The following YES1 variants were observed in gnomAD, a reference collection of about 807,000 sequenced individuals.
YES1 encodes YES proto-oncogene 1, Src family tyrosine kinase.
YES1 carries 39 observed loss-of-function variants against 70.4 expected under a neutral mutation model. The ratio of observed to expected loss-of-function variants is 0.55; its 90% confidence interval spans 0.43 to 0.72. The LOEUF (loss-of-function observed/expected upper bound fraction) is 0.72, where lower values mean the gene tolerates loss of function less well. Ranked by LOEUF, YES1 falls within the 30% of genes least tolerant of loss-of-function variation. The pLI, the probability that YES1 is intolerant of heterozygous loss-of-function variation, is 0.00. For missense variants in YES1, 495 were observed against 644.8 expected, an observed-to-expected ratio of 0.77 and a Z score of 2.52; for synonymous variants, 198 against 218.6, an observed-to-expected ratio of 0.91 and a Z score of 0.83.
chr18:793,699 C>T (rs1005652960), intron 1 of YES1, among the ~76,000 whole-genome samples: 7 of 152,108 alleles, frequency 4.6e-5, no homozygotes, highest in Non-Finnish European at 8.8e-5. Context: ...ACACAGATTT[C>T]TATAGAGCAG....
chr18:809,769 A>C (rs987792304), intron 1 of YES1, among the ~76,000 whole-genome samples: 1 of 152,188 alleles, frequency 6.6e-6, no homozygotes, highest in Non-Finnish European at 1.5e-5. Flanking sequence ...TTCCTTAAAA[A>C]AACAACAACA....
intron 1 of YES1, among the ~76,000 whole-genome samples, chr18:775,986 G>C (rs997321937): frequency 3.3e-5 from 5 of 151,862 alleles, no homozygotes; most frequent in Admixed American, 6.6e-5. Context: ...CAGTTTTTTT[G>C]CTATTAGAAT....
chr18:744,068 AT>A (rs1173445415), intron 6 of YES1, among the ~76,000 whole-genome samples: 4 of 150,166 alleles, frequency 2.7e-5, no homozygotes, highest in Admixed American at 1.3e-4. Context: ...AACTTAAAAT[AT>A]ATATTTTTTT....
chr18:726,869 G>C (rs1426420511), intron 11 of YES1, among the ~76,000 whole-genome samples: 1 of 143,292 alleles, frequency 7.0e-6, no homozygotes, highest in Non-Finnish European at 1.5e-5. Flanking sequence ...TTTCATACCT[G>C]TTAGCATTTA....
intron 1 of YES1, among the ~76,000 whole-genome samples, chr18:770,196 G>C (rs1269168217): frequency 1.3e-5 from 2 of 151,634 alleles, no homozygotes; most frequent in African/African-American, 2.4e-5. Flanking sequence ...CTGACGTCGT[G>C]ATCTGCCTGC....
chr18:789,996 T>C (rs992979404), intron 1 of YES1, among the ~76,000 whole-genome samples: 4 of 151,976 alleles, frequency 2.6e-5, no homozygotes, highest in African/African-American at 9.7e-5. Flanking sequence ...AGGTTGAGGA[T>C]GCAGTGAGCT....
At chr18:762,928 A>C (rs1904669686) in intron 1 of YES1, among the ~76,000 whole-genome samples, 1 of 152,228 alleles carries the variant, frequency 6.6e-6, no homozygotes, top group Non-Finnish European at 1.5e-5. Flanking sequence ...GGTATGTACA[A>C]AATACCATGG....
At chr18:756,243 G>C (rs1480524834) in intron 2 of YES1, among the ~76,000 whole-genome samples, 1 of 151,198 alleles carries the variant, frequency 6.6e-6, no homozygotes, top group Non-Finnish European at 1.5e-5. Context: ...TTGAGGGAAA[G>C]GTATATGTTT....
chr18:779,845 T>C (rs902992447), intron 1 of YES1, among the ~76,000 whole-genome samples: 6 of 152,188 alleles, frequency 3.9e-5, no homozygotes, highest in African/African-American at 1.2e-4. Flanking sequence ...CGTACTCTTC[T>C]TTAATTGGGG....
intron 1 of YES1, among the ~76,000 whole-genome samples, chr18:804,163 T>TA (rs1233448946): frequency 6.6e-6 from 1 of 152,212 alleles, no homozygotes; most frequent in African/African-American, 2.4e-5. Context: ...CTTTGTCAAT[T>TA]AAAAAAATTA....
chr18:722,852 G>GGAGGCC lies in YES1; in HGVS notation c.*1566_*1571dup, dbSNP rs1357666971. ...TCACGCCTGTAATCCCAGCACTTTG[G>GGAGGCC]GAGGCCGAGGCGGGCAGATCACAAG... On this transcript the variant is annotated 3_prime_UTR_variant, in exon 12 of 12. Coordinates refer to ENST00000314574, the MANE Select transcript of YES1 (RefSeq NM_005433.4). 1 of 152,178 alleles carries GGAGGCC rather than the reference G, an allele frequency of 6.6e-6. No individual in the cohort carries two copies. The highest frequency in any genetic ancestry group is 1.5e-5 in the Non-Finnish European group (1 of 68,044). 9.4% of individuals were successfully genotyped at this position (152,178 alleles called of 1,614,324 possible). A position where few individuals can be genotyped will look rare whatever the true frequency, so the allele number is the denominator to read the frequency against.
chr18:780,196 C>T (rs1429899265), intron 1 of YES1, among the ~76,000 whole-genome samples: 3 of 152,248 alleles, frequency 2.0e-5, no homozygotes, highest in Admixed American at 2.0e-4. Context: ...CTGCCCTCTG[C>T]ACTCCAGCTT....
chr18:776,664 T>C (rs987438578), intron 1 of YES1, among the ~76,000 whole-genome samples: 22 of 152,196 alleles, frequency 1.4e-4, no homozygotes, highest in African/African-American at 5.3e-4. Context: ...ATTTTTTACA[T>C]GAATGAATGC....
Position 733,782 on chromosome 18 carries a change from C to CAAAA in YES1, c.1292-821_1292-818dup, listed in dbSNP as rs71174280. 1.4e-3 allele frequency among the ~76,000 whole-genome samples: 82 copies of CAAAA among 59,246 alleles called. 6 individuals are homozygous for CAAAA. Among genetic ancestry groups the CAAAA allele is most frequent in the Admixed American group, 2.4e-3 (9 of 3,798 alleles). The allele number at this position is 59,246 out of a possible 152,430, so 38.9% of individuals were successfully genotyped here. A position where few individuals can be genotyped will look rare whatever the true frequency, so the allele number is the denominator to read the frequency against. On this transcript the variant is annotated intron_variant, in intron 10 of 11. Transcript: ENST00000314574. ...TGGGCAACAGAGTGAGACTCCGTCT[C>CAAAA]AAAAAAAAAAAAAAAAAAAAAAAAA...
At chr18:781,204 G>T (rs1049723008) in intron 1 of YES1, among the ~76,000 whole-genome samples, 1 of 149,600 alleles carries the variant, frequency 6.7e-6, no homozygotes, top group African/African-American at 2.5e-5. Flanking sequence ...GGGAGATGGA[G>T]GTTGCAGTGA....
intron 1 of YES1, among the ~76,000 whole-genome samples, chr18:778,883 C>T (rs11662984): frequency 0.36 from 55,137 of 152,048 alleles, 10,977 homozygotes; most frequent in African/African-American, 0.52. Context: ...ACAAAGAACT[C>T]CATTTTCCAA....
At chr18:780,094 C>T (rs932404270) in intron 1 of YES1, among the ~76,000 whole-genome samples, 21 of 151,982 alleles carry the variant, frequency 1.4e-4, no homozygotes, top group South Asian at 6.2e-4. Context: ...ATTAGCCAGG[C>T]GCTGTGGCAC....
rs368508541 is a variant in YES1, at chr18:751,704, C to T, written c.371+1G>A. ...TCTCACAAAATATTCATGACACTTA[C>T]GTATTGTTAATTATTTGAAATCTTT... is the stretch of plus-strand genomic sequence containing the variant. On this transcript the variant is annotated splice_donor_variant, in intron 3 of 11. Transcript: ENST00000314574. LOFTEE classifies it high-confidence loss of function. 4.6e-6 allele frequency: 7 copies of T among 1,529,766 alleles called. No homozygotes were observed. Among genetic ancestry groups the T allele is most frequent in the Non-Finnish European group, 4.5e-6 (5 of 1,107,074 alleles). The allele number at this position is 1,529,766 out of a possible 1,614,324, so 94.8% of individuals were successfully genotyped here.
intron 11 of YES1, among the ~76,000 whole-genome samples, 178 bp downstream of exon 11, chr18:732,656 C>T (rs553500605): frequency 6.6e-6 from 1 of 151,964 alleles, no homozygotes; most frequent in African/African-American, 2.4e-5. Context: ...CTGACTTACC[C>T]GTCCAATGCC....
Sources: allele counts gnomAD v4.1 joint callset (sites outside exome capture counted in the v4.1 genomes callset), GRCh38; gene constraint gnomAD v4.1.1; transcripts MANE v1.5; gene names NCBI Gene and HGNC (gene_info 2026-07-23, HGNC 2026-07-21).